The following NYAP2 variants were observed in gnomAD, a reference collection of about 807,000 sequenced individuals.
The protein encoded by NYAP2 is neuronal tyrosine-phosphorylated phosphoinositide-3-kinase adaptor 2, also known as neuronal tyrosine-phosphorylated phosphoinositide-3-kinase adapter 2.
In NYAP2, 23 loss-of-function variants were observed where a neutral mutation model predicts 50.4. The ratio of observed to expected loss-of-function variants is 0.46; its 90% CI spans 0.33 to 0.65. The LOEUF is 0.65. NYAP2 is among the 30% of genes least tolerant of loss of function. The pLI, the probability that NYAP2 is intolerant of heterozygous loss-of-function variation, is 0.02. For synonymous variants in NYAP2, 394 were observed against 365.2 expected (o/e 1.08, Z -0.90); for missense variants, 885 against 861.0 (o/e 1.03, Z -0.35).
At chr2:225,586,386 G>A (rs1692390169) in intron 5 of NYAP2, among the ~76,000 whole-genome samples, 1 of 152,112 alleles carries the variant, frequency 6.6e-6, no homozygotes, top group East Asian at 1.9e-4. Context: ...CCTGGTTGAT[G>A]GGACATTGTT....
At chr2:225,684,990 G>C in the NYAP2 span, among the ~76,000 whole-genome samples, 1 of 152,160 alleles carries the variant, frequency 6.6e-6, no homozygotes, top group South Asian at 2.1e-4. Flanking sequence ...CTCCAGAACA[G>C]AATTATTGGA....
intron 3 of NYAP2, among the ~76,000 whole-genome samples, chr2:225,482,253 A>G (rs530125852): frequency 2.6e-5 from 4 of 152,246 alleles, no homozygotes; most frequent in African/African-American, 9.6e-5. Context: ...GATTTTGCAC[A>G]TAAAAATGTG....
At position 225,412,255 on chromosome 2, in the gene NYAP2, C is replaced by CTTTTTTTTTTTTTT. The variant is rs560637948; in HGVS notation, c.221+3167_221+3180dup. Among the ~76,000 whole-genome samples, 234 of 59,136 alleles carry CTTTTTTTTTTTTTT rather than the reference C, an allele frequency of 4.0e-3. 40 individuals carry two copies. Among genetic ancestry groups the CTTTTTTTTTTTTTT allele is most frequent in the Non-Finnish European group, 5.7e-3 (175 of 30,644 alleles). 38.8% of individuals were successfully genotyped at this position (59,136 alleles called of 152,430 possible). ...TACAGGCGTGAGCCACTGCGCCCGG[C>CTTTTTTTTTTTTTT]TTTTTTTTTTTTTTTTTTTTTTTTT... On this transcript the variant is annotated intron_variant, in intron 3 of 6. Coordinates refer to ENST00000636099, the Ensembl canonical transcript of NYAP2.
chr2:225,590,792 G>A (rs974848380), intron 5 of NYAP2, among the ~76,000 whole-genome samples: 1 of 152,192 alleles, frequency 6.6e-6, no homozygotes, highest in African/African-American at 2.4e-5. Flanking sequence ...AGATTCAAAA[G>A]AGATAACAAT....
At chr2:225,426,563 C>T (rs930741755) in intron 3 of NYAP2, among the ~76,000 whole-genome samples, 16 of 152,144 alleles carry the variant, frequency 1.1e-4, no homozygotes, top group African/African-American at 3.9e-4. Context: ...GAATAGGAAG[C>T]TAGTCGTGTG....
intron 4 of NYAP2, among the ~76,000 whole-genome samples, chr2:225,543,056 G>A (rs1460815041): frequency 6.6e-6 from 1 of 151,840 alleles, no homozygotes; most frequent in African/African-American, 2.4e-5. Context: ...GTCTATTGTT[G>A]CTCATAGTAA....
the NYAP2 span, among the ~76,000 whole-genome samples, chr2:225,696,889 C>T: frequency 6.6e-6 from 1 of 151,908 alleles, no homozygotes; most frequent in Admixed American, 6.6e-5. Context: ...AATAGTACAA[C>T]TTCAGGGCAT....
chr2:225,594,504 C>A (rs947514092), intron 5 of NYAP2, among the ~76,000 whole-genome samples: 3 of 151,978 alleles, frequency 2.0e-5, no homozygotes, highest in African/African-American at 7.3e-5. Flanking sequence ...GCCTGGGTGA[C>A]ACAGTGAGAC....
chr2:225,661,463 G>A, the NYAP2 span, among the ~76,000 whole-genome samples: 2 of 152,126 alleles, frequency 1.3e-5, no homozygotes, highest in Non-Finnish European at 2.9e-5. Flanking sequence ...TTTGTTGAGA[G>A]CTTCTTATGT....
At chr2:225,488,206 T>A (rs1021428314) in intron 3 of NYAP2, among the ~76,000 whole-genome samples, 1 of 152,196 alleles carries the variant, frequency 6.6e-6, no homozygotes, top group African/African-American at 2.4e-5. Context: ...TGAACAAACA[T>A]GCTTGGCAGC....
the NYAP2 span, among the ~76,000 whole-genome samples, chr2:225,678,351 C>T: frequency 6.6e-6 from 1 of 152,092 alleles, no homozygotes; most frequent in East Asian, 1.9e-4. Context: ...TTTATTTATT[C>T]TTTTGAAGAA....
chr2:225,542,235 C>A (rs963419796), intron 4 of NYAP2, among the ~76,000 whole-genome samples: 1 of 152,050 alleles, frequency 6.6e-6, no homozygotes, highest in Admixed American at 6.5e-5. Flanking sequence ...TGAATTTCTT[C>A]CTTTCCAGTT....
At chr2:225,661,726 C>CTT in the NYAP2 span, among the ~76,000 whole-genome samples, 156 of 145,146 alleles carry the variant, frequency 1.1e-3, no homozygotes, top group South Asian at 1.5e-3. Context: ...TTTGCTCTCT[C>CTT]TTTTTTTTTT....
intron 3 of NYAP2, among the ~76,000 whole-genome samples, chr2:225,464,777 G>A (rs1461931540): frequency 6.6e-6 from 1 of 152,222 alleles, no homozygotes; most frequent in African/African-American, 2.4e-5. Flanking sequence ...AAGAACGTGA[G>A]CAATAGGCAC....
exon 7 of NYAP2, chr2:225,651,459 G>A (rs751197401): frequency 4.3e-6 from 7 of 1,613,826 alleles, no homozygotes; most frequent in East Asian, 4.5e-5. Context: ...AAATTAGGCC[G>A]GTCTGCGTCG....
intron 5 of NYAP2, among the ~76,000 whole-genome samples, chr2:225,586,701 G>T (rs1219056555): frequency 1.3e-5 from 2 of 152,056 alleles, no homozygotes; most frequent in African/African-American, 2.4e-5. Flanking sequence ...TTTTTTAGAA[G>T]ATGTAGGTCA....
At chr2:225,600,465 G>A (rs1692674189) in intron 5 of NYAP2, among the ~76,000 whole-genome samples, 1 of 152,142 alleles carries the variant, frequency 6.6e-6, no homozygotes, top group African/African-American at 2.4e-5. Flanking sequence ...CAGGCAAAAA[G>A]GGGGTTTGTT....
chr2:225,442,369 A>G (rs1689485186), intron 3 of NYAP2, among the ~76,000 whole-genome samples: 1 of 152,190 alleles, frequency 6.6e-6, no homozygotes. Flanking sequence ...TGAAGCCACC[A>G]AACAGTGAAG....
chr2:225,434,903 G>C (rs1689350865), intron 3 of NYAP2, among the ~76,000 whole-genome samples: 1 of 152,138 alleles, frequency 6.6e-6, no homozygotes, highest in African/African-American at 2.4e-5. Context: ...TATATGATTA[G>C]ACTTGTCGAA....
Sources: gnomAD v4.1 joint callset for allele counts (sites outside exome capture counted in the v4.1 genomes callset) on GRCh38, gnomAD v4.1.1 for gene constraint, MANE v1.5 for transcripts, NCBI Gene and HGNC (gene_info 2026-07-23, HGNC 2026-07-21) for gene names.